Variants in GTF3C1 observed in about 807,000 individuals in gnomAD.
GTF3C1 encodes the protein general transcription factor 3C polypeptide 1.
GTF3C1 carries 57 observed loss-of-function variants against 226.7 expected under a neutral mutation model. The observed-to-expected ratio is 0.25, with a 90% CI of 0.20 to 0.31. GTF3C1 has a LOEUF of 0.31. GTF3C1 is among the 10% of genes least tolerant of loss of function. The probability of loss-of-function intolerance (pLI) is 1.00; values close to 1 mark genes in which losing one functional copy is unlikely to be tolerated. For missense variants in GTF3C1, 2,217 were observed against 2,776.1 expected (o/e 0.80, Z 4.53); for synonymous variants, 1,090 against 1,084.8 (o/e 1.00, Z -0.09).
intron 7 of GTF3C1, among the ~76,000 whole-genome samples, chr16:27,510,167 C>T (rs1000080215): frequency 1.3e-5 from 2 of 152,100 alleles, no homozygotes; most frequent in Admixed American, 6.6e-5. Context: ...AGGTGGATCA[C>T]GAGGTCAAGA....
Position 27,507,273 on chromosome 16 carries a change from T to C in GTF3C1, c.1243-117A>G, listed in dbSNP as rs994283065. 30 of 781,584 alleles carry C rather than the reference T, an allele frequency of 3.8e-5. No homozygotes were observed. The Admixed American group carries it at 4.8e-4, about 13-fold the overall frequency. 48.4% of individuals were successfully genotyped at this position (781,584 alleles called of 1,614,324 possible). A position where few individuals can be genotyped will look rare whatever the true frequency, so the allele number is the denominator to read the frequency against. On this transcript the variant is annotated intron_variant, in intron 8 of 36. Coordinates refer to ENST00000356183, the MANE Select transcript of GTF3C1 (RefSeq NM_001520.4). The surrounding 1 kb of genome is among the most constrained non-coding windows in gnomAD (Gnocchi z 4.9). ...CTTTCTTCTGTTTCTCCTGTCTTACTGCCTGGGCCCTGGGTTGGGCACCAC... is the reference window on the plus strand; with the variant it reads ...CTTTCTTCTGTTTCTCCTGTCTTACCGCCTGGGCCCTGGGTTGGGCACCAC...
chr16:27,476,574 G>A (rs2087953340), intron 28 of GTF3C1, 30 bp from the exon 29 acceptor site: 6 of 1,263,676 alleles, frequency 4.7e-6, no homozygotes, highest in Non-Finnish European at 5.8e-6. Flanking sequence ...AGGGCACCAT[G>A]AGACCACAGG....
At chr16:27,532,557 C>T (rs909263539) in intron 5 of GTF3C1, among the ~76,000 whole-genome samples, 6 of 152,168 alleles carry the variant, frequency 3.9e-5, no homozygotes, top group Non-Finnish European at 8.8e-5. Flanking sequence ...TTCTCCCTCT[C>T]GCGCTCCCTT....
chr16:27,540,920 A>T (rs919145953), intron 2 of GTF3C1, among the ~76,000 whole-genome samples: 5 of 151,978 alleles, frequency 3.3e-5, no homozygotes, highest in African/African-American at 1.2e-4. Flanking sequence ...AGCTCACTGC[A>T]ACCTCTGCCT....
At chr16:27,532,900 G>C (rs2088941759) in intron 5 of GTF3C1, among the ~76,000 whole-genome samples, 1 of 152,162 alleles carries the variant, frequency 6.6e-6, no homozygotes, top group South Asian at 2.1e-4. Flanking sequence ...TTGGGAAGCT[G>C]AGACAGAAGG....
At chr16:27,476,396 C>G in intron 29 of GTF3C1, 55 bp downstream of exon 29, 1 of 1,134,980 alleles carries the variant, frequency 8.8e-7, no homozygotes, top group Admixed American at 1.8e-5. Context: ...ACCTCACGAG[C>G]CTGGCCTCGG....
intron 2 of GTF3C1, among the ~76,000 whole-genome samples, chr16:27,544,975 T>C (rs79202441): frequency 5.5e-4 from 2 of 3,610 alleles, no homozygotes; most frequent in Admixed American, 2.5e-3. Flanking sequence ...TCTTTTTTCC[T>C]TTTTTTTTTT....
intron 26 of GTF3C1, among the ~76,000 whole-genome samples, chr16:27,481,746 A>G (rs2088051397): frequency 6.6e-6 from 1 of 152,154 alleles, no homozygotes; most frequent in Non-Finnish European, 1.5e-5. Flanking sequence ...CCTGGTGGCT[A>G]TGTAGGACGC....
At chr16:27,536,062 C>T (rs2088996876) in intron 4 of GTF3C1, among the ~76,000 whole-genome samples, 2 of 152,144 alleles carry the variant, frequency 1.3e-5, no homozygotes, top group Non-Finnish European at 2.9e-5. Flanking sequence ...CTGCGACTGC[C>T]CGCCATTTCA....
At chr16:27,479,737 G>T (rs868233676) in intron 27 of GTF3C1, among the ~76,000 whole-genome samples, 14 of 152,252 alleles carry the variant, frequency 9.2e-5, no homozygotes, top group South Asian at 2.1e-4. Context: ...CCAAACTGCT[G>T]GGATGATGGG....
At position 27,471,640 on chromosome 16, in the gene GTF3C1, G is replaced by A. The variant is rs111787627; in HGVS notation, c.4526+108C>T. On this transcript the variant is annotated intron_variant, in intron 30 of 36. Coordinates refer to ENST00000356183, the MANE Select transcript of GTF3C1 (RefSeq NM_001520.4). This position sits in a 1 kb window ranked among gnomAD's most constrained non-coding sequence, Gnocchi z 5.0. The stretch of plus-strand genomic sequence containing the variant: ...GCATCTTGCACATGAGGCTGCGAAG[G>A]TCCCTGGCTCCTACACGCTTTCATG... 2.0e-3 allele frequency: 1,670 copies of A among 856,264 alleles called. 20 individuals carry two copies. In the African/African-American group the frequency reaches 0.024, roughly 13 times the overall value. The allele number at this position is 856,264 out of a possible 1,614,324, so 53.0% of individuals were successfully genotyped here.
At chr16:27,517,163 C>CG (rs2088670880) in intron 6 of GTF3C1, among the ~76,000 whole-genome samples, 1 of 152,170 alleles carries the variant, frequency 6.6e-6, no homozygotes, top group Admixed American at 6.5e-5. Flanking sequence ...AGGTAAACGA[C>CG]GGAACAGTGT....
Position 27,506,874 on chromosome 16 carries a change from G to A in GTF3C1, c.1525C>T (p.Gln509Ter). Residue 509 changes from glutamine (Q) to a stop codon, truncating the protein, a stop_gained, in exon 9 of 37, where the codon CAG becomes TAG. Transcript: ENST00000356183. LOFTEE classifies it high-confidence loss of function. ...RASANLRPKT[Q>*]PHHSTPTKGG... ...TTGGTTGGGGTGGAGTGATGAGGCT[G>A]GGTCTTGGGCCGGAGGTTTGCAGAG... is the stretch of plus-strand genomic sequence containing the variant. The A allele has an allele frequency of 6.2e-7, 1 of 1,612,124 alleles. No individual in the cohort carries two copies. The highest frequency in any genetic ancestry group is 8.5e-7 in the Non-Finnish European group (1 of 1,179,534).
chr16:27,528,555 GAGCC>G, intron 6 of GTF3C1, 39 bp downstream of exon 6: 3 of 1,544,654 alleles, frequency 1.9e-6, no homozygotes, highest in Non-Finnish European at 2.7e-6. Flanking sequence ...ACAGAAGTGA[GAGCC>G]AGCCAGCCAA....
intron 14 of GTF3C1, among the ~76,000 whole-genome samples, chr16:27,496,556 G>C (rs1197963094): frequency 6.6e-6 from 1 of 152,100 alleles, no homozygotes; most frequent in African/African-American, 2.4e-5. Flanking sequence ...GGGACTGTAG[G>C]CACCACACCC....
Position 27,461,333 on chromosome 16 carries a change from G to A in GTF3C1, c.*17C>T, listed in dbSNP as rs1275166622. On this transcript the variant is annotated 3_prime_UTR_variant, in exon 37 of 37. Transcript: ENST00000356183. This position sits in a 1 kb window ranked among gnomAD's most constrained non-coding sequence, Gnocchi z 5.3. Reference sequence around the variant, plus strand: ...TGGCAGGCGGTGGCTGGGAGGGAGGGGACGCCCACAGGGGTCCTAGAGGTG... The same window carrying A: ...TGGCAGGCGGTGGCTGGGAGGGAGGAGACGCCCACAGGGGTCCTAGAGGTG... 1 of 1,537,240 alleles carries A rather than the reference G, an allele frequency of 6.5e-7. No individual in the cohort carries two copies. Among genetic ancestry groups the A allele is most frequent in the East Asian group, 2.3e-5 (1 of 44,216 alleles).
intron 6 of GTF3C1, among the ~76,000 whole-genome samples, chr16:27,513,585 G>A (rs898050370): frequency 2.0e-5 from 3 of 152,116 alleles, no homozygotes; most frequent in African/African-American, 7.2e-5. Flanking sequence ...GGGAATGCAG[G>A]TGCCTCCTAG....
At chr16:27,508,701 G>T in intron 7 of GTF3C1, 46 bp from the exon 8 acceptor site, 1 of 1,391,566 alleles carries the variant, frequency 7.2e-7, no homozygotes, top group Non-Finnish European at 1.0e-6. Flanking sequence ...CAAAGGAGCT[G>T]TTCTGCACAA....
intron 2 of GTF3C1, among the ~76,000 whole-genome samples, chr16:27,542,014 G>GAAATAAAATTAAA: frequency 6.6e-6 from 1 of 152,264 alleles, no homozygotes; most frequent in East Asian, 1.9e-4. Context: ...TATTAGCAAT[G>GAAATAAAATTAAA]AAATAAAATT....
Sources: allele counts gnomAD v4.1 joint callset (sites outside exome capture counted in the v4.1 genomes callset), GRCh38; gene constraint gnomAD v4.1.1; non-coding constraint Gnocchi (gnomAD v3.1); transcripts MANE v1.5; gene names NCBI Gene and HGNC (gene_info 2026-07-23, HGNC 2026-07-21).